The following C19orf12 variants were observed in gnomAD, a reference collection of about 807,000 sequenced individuals.
C19orf12 encodes chromosome 19 open reading frame 12, also known as protein C19orf12.
C19orf12 carries 2 observed loss-of-function variants against 3.8 expected under a neutral mutation model. That is an observed-to-expected ratio of 0.53 (90% CI 0.22 to 1.66). C19orf12 has a LOEUF of 1.66. Ranked by LOEUF, C19orf12 falls within the 40% of genes most tolerant of loss-of-function variation. The pLI is 0.20. For missense variants in C19orf12, 156 were observed against 188.8 expected (o/e 0.83, Z 1.02); for synonymous variants, 89 against 84.6 (o/e 1.05, Z -0.28).
chr19:29,713,566 C>G (rs1022730902), intron 1 of C19orf12, among the ~76,000 whole-genome samples: 1 of 152,286 alleles, frequency 6.6e-6, no homozygotes, highest in Admixed American at 6.5e-5. Flanking sequence ...AGATCTGGCT[C>G]TTGTCAACAT....
Position 29,715,189 on chromosome 19 carries a change from A to G in C19orf12, c.-75T>C. ...GACGCGGCTGCAGCCCGGGCCTGGCAGGCCCCGGGCTCCCCGCCCAGCTCC... is the reference window on the plus strand; with the variant it reads ...GACGCGGCTGCAGCCCGGGCCTGGCGGGCCCCGGGCTCCCCGCCCAGCTCC... On this transcript the variant is annotated 5_prime_UTR_variant, in exon 1 of 3. Transcript: ENST00000323670. 2.0e-6 allele frequency: 1 copy of G among 495,194 alleles called. No homozygotes were observed. The highest frequency in any genetic ancestry group is 3.4e-5 in the Admixed American group (1 of 29,096). 30.7% of individuals were successfully genotyped at this position (495,194 alleles called of 1,614,324 possible). A position where few individuals can be genotyped will look rare whatever the true frequency, so the allele number is the denominator to read the frequency against.
chr19:29,702,782 TGCTGCAGGGCCTC>T lies in C19orf12; in HGVS notation c.343_355del (p.Glu115SerfsTer8). ...GTTCACCAGCATGGCCAGCAGCTGC[TGCTGCAGGGCCTC>T]GCTGCCCATGACCAGCGCGGTCAGC... On this transcript the variant is annotated frameshift_variant, in exon 3 of 3. Transcript: ENST00000323670. LOFTEE classifies it high-confidence loss of function. 6.2e-7 allele frequency: 1 copy of T among 1,613,888 alleles called. No individual in the cohort carries two copies. Among genetic ancestry groups the T allele is most frequent in the Non-Finnish European group, 8.5e-7 (1 of 1,179,938 alleles).
chr19:29,705,207 C>T (rs1310942167), intron 2 of C19orf12: 3 of 304,348 alleles, frequency 9.9e-6, no homozygotes, highest in Non-Finnish European at 2.0e-5. Flanking sequence ...CTCCCAAAGA[C>T]TCCTAACTCC....
rs972681132 is a variant in C19orf12, at chr19:29,702,502, C to T, written c.*210G>A. The T allele has an allele frequency of 9.3e-6, 7 of 752,218 alleles. No homozygotes were observed. Among genetic ancestry groups the T allele is most frequent in the African/African-American group, 1.7e-5 (1 of 58,168 alleles). 46.6% of individuals were successfully genotyped at this position (752,218 alleles called of 1,614,324 possible). Reference sequence around the variant, plus strand: ...AGAGGGCTGTCATGGCAGGCCAGTGCACATGCCACCAACACATGCTGCTTC... The same window carrying T: ...AGAGGGCTGTCATGGCAGGCCAGTGTACATGCCACCAACACATGCTGCTTC... On this transcript the variant is annotated 3_prime_UTR_variant, in exon 3 of 3. Coordinates refer to ENST00000323670, the MANE Select transcript of C19orf12 (RefSeq NM_031448.6).
rs1220161649 is a variant in C19orf12 at position 29,715,158 on chromosome 19, C to T, written c.-44G>A. 1 of 562,754 alleles carries T rather than the reference C, an allele frequency of 1.8e-6. No individual in the cohort carries two copies. The highest frequency in any genetic ancestry group is 3.2e-6 in the Non-Finnish European group (1 of 316,496). 34.9% of individuals were successfully genotyped at this position (562,754 alleles called of 1,614,324 possible). A position where few individuals can be genotyped will look rare whatever the true frequency, so the allele number is the denominator to read the frequency against. On this transcript the variant is annotated 5_prime_UTR_variant, in exon 1 of 3. Transcript: ENST00000323670. ...GCGGAGGTCTACGCGGCGCGCTCGG[C>T]GATCAGACGCGGCTGCAGCCCGGGC...
chr19:29,711,831 G>C (rs902598297), intron 1 of C19orf12, among the ~76,000 whole-genome samples: 6 of 152,134 alleles, frequency 3.9e-5, no homozygotes, highest in African/African-American at 1.4e-4. Context: ...AAAATCTACA[G>C]AGGCTAAAGA....
Position 29,701,777 on chromosome 19 carries a change from T to A in C19orf12, c.*935A>T. The A allele has an allele frequency of 2.2e-6, 1 of 451,036 alleles. No individual in the cohort carries two copies. Among genetic ancestry groups the A allele is most frequent in the South Asian group, 1.6e-5 (1 of 64,258 alleles). The allele number at this position is 451,036 out of a possible 1,614,324, so 27.9% of individuals were successfully genotyped here. On this transcript the variant is annotated 3_prime_UTR_variant, in exon 3 of 3. Transcript: ENST00000323670. ...ATTTTCCAACAGCATGTGCTCACTT[T>A]GCGTTTCTGTGTCAGCATTTTGAAC...
At chr19:29,704,851 C>T (rs1009914222) in intron 2 of C19orf12, among the ~76,000 whole-genome samples, 13 of 152,152 alleles carry the variant, frequency 8.5e-5, no homozygotes, top group African/African-American at 3.1e-4. Flanking sequence ...CTTCCGAGGC[C>T]CAGGACACAG....
chr19:29,704,974 T>C (rs983344095), intron 2 of C19orf12, among the ~76,000 whole-genome samples: 1 of 152,184 alleles, frequency 6.6e-6, no homozygotes, highest in East Asian at 1.9e-4. Context: ...GATTTTTAAA[T>C]ATCACCAATC....
chr19:29,713,232 C>A (rs1223173661), intron 1 of C19orf12, among the ~76,000 whole-genome samples: 1 of 150,956 alleles, frequency 6.6e-6, no homozygotes, highest in Non-Finnish European at 1.5e-5. Flanking sequence ...GGGGACAGAC[C>A]TTAGGGGGTG....
rs910659102 is a variant in C19orf12 at position 29,701,186 on chromosome 19, A to G, written c.*1526T>C. The stretch of plus-strand genomic sequence containing the variant: ...GCTTTTTAGAAAAACATTTATTGTA[A>G]TCGATCACATTCAAGTCGTAGTTCT... On this transcript the variant is annotated 3_prime_UTR_variant, in exon 3 of 3. Transcript: ENST00000323670. 4.4e-6 allele frequency: 2 copies of G among 454,038 alleles called. No individual in the cohort carries two copies. Among genetic ancestry groups the G allele is most frequent in the African/African-American group, 2.0e-5 (1 of 50,010 alleles). The allele number at this position is 454,038 out of a possible 1,614,324, so 28.1% of individuals were successfully genotyped here. A position where few individuals can be genotyped will look rare whatever the true frequency, so the allele number is the denominator to read the frequency against.
chr19:29,702,132 G>A lies in C19orf12; in HGVS notation c.*580C>T, dbSNP rs576122006. ...GTGGGGGCCGGGGTCAAGTCCACTC[G>A]GTATTTGTGGCTTCACTCAGCAGGC... On this transcript the variant is annotated 3_prime_UTR_variant, in exon 3 of 3. Transcript: ENST00000323670. 1.7e-4 allele frequency: 79 copies of A among 452,216 alleles called. No individual in the cohort carries two copies. The highest frequency in any genetic ancestry group is 2.7e-4 in the Non-Finnish European group (62 of 225,582). 28.0% of individuals were successfully genotyped at this position (452,216 alleles called of 1,614,324 possible). A position where few individuals can be genotyped will look rare whatever the true frequency, so the allele number is the denominator to read the frequency against.
chr19:29,715,290 T>TGCGCCGGGCCTTCCGGGAAGCCAC (rs915824434), upstream of C19orf12: 3 of 394,628 alleles, frequency 7.6e-6, no homozygotes, highest in African/African-American at 4.4e-5. Flanking sequence ...ACCTTCCGGC[T>TGCGCCGGGCCTTCCGGGAAGCCAC]GCGCCGGGCC....
Position 29,702,645 on chromosome 19 carries a change from T to A in C19orf12, c.*67A>T. The A allele has an allele frequency of 1.2e-6, 2 of 1,606,522 alleles. No homozygotes were observed. Among genetic ancestry groups the A allele is most frequent in the Non-Finnish European group, 1.7e-6 (2 of 1,176,036 alleles). The stretch of plus-strand genomic sequence containing the variant: ...GGGCATCCGCTGGGCTTCTCCCAAC[T>A]CCCAAGCCACCTCTTCAGAATCACA... On this transcript the variant is annotated 3_prime_UTR_variant, in exon 3 of 3. Transcript: ENST00000323670.
rs928812254 is a variant in C19orf12, at chr19:29,702,534, A to T, written c.*178T>A. 2.4e-5 allele frequency: 20 copies of T among 849,928 alleles called. No individual in the cohort carries two copies. The highest frequency in any genetic ancestry group is 3.7e-5 in the Non-Finnish European group (19 of 513,716). 52.6% of individuals were successfully genotyped at this position (849,928 alleles called of 1,614,324 possible). A position where few individuals can be genotyped will look rare whatever the true frequency, so the allele number is the denominator to read the frequency against. On this transcript the variant is annotated 3_prime_UTR_variant, in exon 3 of 3. Coordinates refer to ENST00000323670, the MANE Select transcript of C19orf12 (RefSeq NM_031448.6). ...CACCAACACATGCTGCTTCATCAGT[A>T]ATTTCTGGAACATGACACTGCACAG...
chr19:29,702,439 C>T lies in C19orf12; in HGVS notation c.*273G>A, dbSNP rs752740530. On this transcript the variant is annotated 3_prime_UTR_variant, in exon 3 of 3. Transcript: ENST00000323670. The stretch of plus-strand genomic sequence containing the variant: ...ACTCAGCAGACGCCTCCGAAGCCTG[C>T]GGCAGGCAGGCCTTTACTCTTCACT... 6 of 649,614 alleles carry T rather than the reference C, an allele frequency of 9.2e-6. No individual in the cohort carries two copies. The highest frequency in any genetic ancestry group is 6.1e-5 in the East Asian group (2 of 32,540). 40.2% of individuals were successfully genotyped at this position (649,614 alleles called of 1,614,324 possible).
chr19:29,699,496 AG>A lies in C19orf12; in HGVS notation c.*3215del, dbSNP rs779143313. Reference sequence around the variant, plus strand: ...AGACTCCATCTCAAAAAAAAAAAAAAGAAAAAAAGAAAAAAATATATGTGTA... The same window carrying A: ...AGACTCCATCTCAAAAAAAAAAAAAAAAAAAAAGAAAAAAATATATGTGTA... On this transcript the variant is annotated 3_prime_UTR_variant, in exon 3 of 3. Transcript: ENST00000323670. The A allele has an allele frequency of 4.1e-3, 1,719 of 418,168 alleles. 27 individuals are homozygous for A. Among genetic ancestry groups the A allele is most frequent in the African/African-American group, 0.034 (1,603 of 47,158 alleles). The allele number at this position is 418,168 out of a possible 1,614,324, so 25.9% of individuals were successfully genotyped here. A position where few individuals can be genotyped will look rare whatever the true frequency, so the allele number is the denominator to read the frequency against.
intron 1 of C19orf12, among the ~76,000 whole-genome samples, chr19:29,710,945 C>T (rs979886676): frequency 1.3e-5 from 2 of 151,600 alleles, no homozygotes; most frequent in African/African-American, 4.9e-5. Flanking sequence ...GGAGACGGAG[C>T]GCAGAACCTG....
intron 1 of C19orf12, 127 bp from the exon 2 acceptor site, chr19:29,708,550 G>T (rs368684090): frequency 4.1e-6 from 5 of 1,220,028 alleles, no homozygotes; most frequent in Non-Finnish European, 5.9e-6. Flanking sequence ...AGCTCCAAGC[G>T]CCTGTATGAC....
Sources: gnomAD v4.1 joint callset for allele counts (sites outside exome capture counted in the v4.1 genomes callset) on GRCh38, gnomAD v4.1.1 for gene constraint, MANE v1.5 for transcripts, NCBI Gene and HGNC (gene_info 2026-07-23, HGNC 2026-07-21) for gene names.